The following SKAP1 variants were observed in gnomAD, a reference collection of about 807,000 sequenced individuals.
The protein encoded by SKAP1 is src kinase associated phosphoprotein 1, also known as src kinase-associated phosphoprotein 1.
A neutral mutation model predicts 58.5 loss-of-function variants in SKAP1; 44 were observed. The observed-to-expected ratio is 0.75, with a 90% CI of 0.59 to 0.97. The LOEUF (loss-of-function observed/expected upper bound fraction) is 0.97. Among genes scored for constraint, SKAP1 ranks in the 50% least tolerant of loss-of-function variants. The pLI is 0.00. For missense variants in SKAP1, 390 were observed against 435.2 expected (o/e 0.90, Z 0.92); for synonymous variants, 127 against 149.7 (o/e 0.85, Z 1.11).
At chr17:48,440,340 C>T in the SKAP1 span, among the ~76,000 whole-genome samples, 1 of 152,264 alleles carries the variant, frequency 6.6e-6, no homozygotes, top group East Asian at 1.9e-4. Flanking sequence ...TTCCCTCTGC[C>T]CCAGAGCTGC....
upstream of SKAP1, among the ~76,000 whole-genome samples, chr17:48,431,281 G>A (rs2067913591): frequency 6.6e-6 from 1 of 152,114 alleles, no homozygotes; most frequent in South Asian, 2.1e-4. Context: ...GTGTACCCCA[G>A]CCTGGGCAAC....
chr17:48,264,838 C>A (rs541605704), intron 4 of SKAP1, among the ~76,000 whole-genome samples: 1 of 151,860 alleles, frequency 6.6e-6, no homozygotes, highest in East Asian at 1.9e-4. Flanking sequence ...TTGTCCCCAG[C>A]CTCTTCTGAT....
chr17:48,238,896 A>G (rs1006005143), intron 4 of SKAP1, among the ~76,000 whole-genome samples: 1 of 152,192 alleles, frequency 6.6e-6, no homozygotes, highest in African/African-American at 2.4e-5. Flanking sequence ...CCCTGTCAGA[A>G]AGACCAAAAT....
chr17:48,365,241 TC>T (rs2066987568), intron 2 of SKAP1, among the ~76,000 whole-genome samples: 1 of 152,108 alleles, frequency 6.6e-6, no homozygotes, highest in Admixed American at 6.6e-5. Context: ...AGCCACTGCA[TC>T]CAGCAACCCT....
chr17:48,343,133 G>A (rs2066678854), intron 4 of SKAP1, among the ~76,000 whole-genome samples: 1 of 151,872 alleles, frequency 6.6e-6, no homozygotes, highest in South Asian at 2.1e-4. Flanking sequence ...ATGAGGGCAG[G>A]GACTGTATCT....
chr17:48,257,641 T>TTTTTTTTTTTTTTTTTTTTTC (rs2065439471), intron 4 of SKAP1, among the ~76,000 whole-genome samples: 1 of 139,948 alleles, frequency 7.1e-6, no homozygotes, highest in Non-Finnish European at 1.5e-5. Flanking sequence ...TTTTTTTTTT[T>TTTTTTTTTTTTTTTTTTTTTC]TTTTTTTGGT....
intron 4 of SKAP1, among the ~76,000 whole-genome samples, chr17:48,229,479 G>A (rs565160803): frequency 1.3e-5 from 2 of 151,960 alleles, no homozygotes; most frequent in Non-Finnish European, 2.9e-5. Context: ...AAATTAGCTG[G>A]GCGTTGTGGT....
Position 48,430,193 on chromosome 17 carries a change from G to C in SKAP1, c.-73C>G, listed in dbSNP as rs2067900896. On this transcript the variant is annotated 5_prime_UTR_variant, in exon 1 of 13. Coordinates refer to ENST00000336915, the MANE Select transcript of SKAP1 (RefSeq NM_003726.4). Reference sequence around the variant, plus strand: ...AGGCGGACGGGCTGGAAGGCGACCCGGCTGCACCGCGAGGCACCTGTACCT... The same window carrying C: ...AGGCGGACGGGCTGGAAGGCGACCCCGCTGCACCGCGAGGCACCTGTACCT... 1.7e-6 allele frequency: 2 copies of C among 1,203,054 alleles called. No homozygotes were observed. Among genetic ancestry groups the C allele is most frequent in the Non-Finnish European group, 1.1e-6 (1 of 951,184 alleles). 74.5% of individuals were successfully genotyped at this position (1,203,054 alleles called of 1,614,324 possible).
intron 4 of SKAP1, among the ~76,000 whole-genome samples, chr17:48,330,579 A>T (rs756304771): frequency 1.3e-4 from 20 of 152,236 alleles, no homozygotes; most frequent in Non-Finnish European, 2.8e-4. Flanking sequence ...AGGAGAAGGG[A>T]AGCATTCTGC....
intron 4 of SKAP1, among the ~76,000 whole-genome samples, chr17:48,342,467 A>G (rs2066665953): frequency 7.9e-6 from 1 of 126,666 alleles, no homozygotes. Context: ...ACCTAAACAC[A>G]ATATGCAGCA....
chr17:48,425,190 G>A (rs531408104), intron 1 of SKAP1, among the ~76,000 whole-genome samples: 91 of 152,208 alleles, frequency 6.0e-4, no homozygotes, highest in African/African-American at 1.3e-3. Context: ...CCTGGGAGGC[G>A]GGGGTTGTGG....
At chr17:48,336,486 T>A (rs1444338556) in intron 4 of SKAP1, among the ~76,000 whole-genome samples, 1 of 152,126 alleles carries the variant, frequency 6.6e-6, no homozygotes, top group Non-Finnish European at 1.5e-5. Context: ...ACTCTGGGGA[T>A]AAATGTTCAG....
chr17:48,166,331 G>A (rs1212851098), intron 10 of SKAP1, among the ~76,000 whole-genome samples: 3 of 152,192 alleles, frequency 2.0e-5, no homozygotes, highest in Admixed American at 6.5e-5. Context: ...CAAAGCATTT[G>A]TCATTGCATG....
chr17:48,182,515 A>G, intron 7 of SKAP1, 58 bp from the exon 8 acceptor site: 1 of 1,278,022 alleles, frequency 7.8e-7, no homozygotes, highest in Non-Finnish European at 1.1e-6. Flanking sequence ...ATGAATCTTG[A>G]CAGGGATGTC....
intron 1 of SKAP1, among the ~76,000 whole-genome samples, chr17:48,406,234 C>T (rs2067581667): frequency 6.6e-6 from 1 of 151,674 alleles, no homozygotes; most frequent in Non-Finnish European, 1.5e-5. Context: ...CACTGCACTC[C>T]AGCCTGGCGA....
chr17:48,422,974 A>G (rs1453383453), intron 1 of SKAP1, among the ~76,000 whole-genome samples: 2 of 152,238 alleles, frequency 1.3e-5, no homozygotes, highest in Non-Finnish European at 2.9e-5. Flanking sequence ...TATGTATGCT[A>G]TAAACCCAAG....
In SKAP1 at chr17:48,271,805, C is replaced by CA. The variant is rs201929894; in HGVS notation, c.280+74099dup. 3.7e-4 allele frequency among the ~76,000 whole-genome samples: 57 copies of CA among 152,084 alleles called. No homozygotes were observed. In the East Asian group the frequency reaches 9.3e-3, roughly 25 times the overall value. ...GACTTGGGTGAGGACATTTATATTC[C>CA]AAAAAATCTCCTTAGGGGATTCTGA... is the stretch of plus-strand genomic sequence containing the variant. On this transcript the variant is annotated intron_variant, in intron 4 of 12. Coordinates refer to ENST00000336915, the MANE Select transcript of SKAP1 (RefSeq NM_003726.4).
At chr17:48,325,028 C>A (rs1372247877) in intron 4 of SKAP1, among the ~76,000 whole-genome samples, 2 of 152,086 alleles carry the variant, frequency 1.3e-5, no homozygotes, top group South Asian at 2.1e-4. Context: ...GCGGGCGGAT[C>A]ACGAGGTCAG....
intron 4 of SKAP1, among the ~76,000 whole-genome samples, chr17:48,299,018 A>C (rs2066022325): frequency 6.6e-6 from 1 of 152,204 alleles, no homozygotes; most frequent in Non-Finnish European, 1.5e-5. Flanking sequence ...GGGACATTGC[A>C]TAAGGAACAT....
Sources: allele counts gnomAD v4.1 joint callset (sites outside exome capture counted in the v4.1 genomes callset), GRCh38; gene constraint gnomAD v4.1.1; transcripts MANE v1.5; gene names NCBI Gene and HGNC (gene_info 2026-07-23, HGNC 2026-07-21).